TMTC4: variants seen among roughly 807,000 people sequenced by gnomAD.
TMTC4 encodes the protein protein O-mannosyl-transferase TMTC4.
TMTC4 carries 65 observed loss-of-function variants against 86.0 expected under a neutral mutation model. The ratio of observed to expected loss-of-function variants is 0.76; its 90% CI spans 0.62 to 0.93. TMTC4 has a LOEUF of 0.93. Ranked by LOEUF, TMTC4 falls within the 40% of genes least tolerant of loss-of-function variation. TMTC4 has a pLI of 0.00. For missense variants in TMTC4, 866 were observed against 948.1 expected, an observed-to-expected ratio of 0.91 and a Z score of 1.14; for synonymous variants, 379 against 382.5, an observed-to-expected ratio of 0.99 and a Z score of 0.11.
rs1284593666 is a variant in TMTC4, at chr13:100,664,353, G to A, written c.220-17C>T. The A allele has an allele frequency of 4.4e-6, 7 of 1,581,428 alleles. No homozygotes were observed. The South Asian group carries it at 7.0e-5, about 16-fold the overall frequency. On this transcript the variant is annotated splice_polypyrimidine_tract_variant and intron_variant, in intron 3 of 18. Coordinates refer to ENST00000342624, the MANE Select transcript of TMTC4 (RefSeq NM_032813.5). ...TTGGAGGTCCTGCAGGGTCACAAAG[G>A]GGATGTTCTGGACAAGGGTCTCCCA...
At position 100,662,619 on chromosome 13, in the gene TMTC4, A is replaced by G. The variant is rs2139029552; in HGVS notation, c.552+345T>C. On this transcript the variant is annotated intron_variant, in intron 5 of 18. Coordinates refer to ENST00000342624, the MANE Select transcript of TMTC4 (RefSeq NM_032813.5). ...TGAACTTTAGACCCCGAAGTCCAAC[A>G]ATATTTAACATCCGTGCCTTCACAG... 2.0e-5 allele frequency among the ~76,000 whole-genome samples: 3 copies of G among 152,284 alleles called. No individual in the cohort carries two copies. The East Asian group carries it at 5.8e-4, about 30-fold the overall frequency.
intron 5 of TMTC4, among the ~76,000 whole-genome samples, chr13:100,661,709 G>A (rs6491573): frequency 0.71 from 108,113 of 152,142 alleles, 39,397 homozygotes; most frequent in East Asian, 0.96. Context: ...ATCAGGAGGA[G>A]GGTGTGATAA....
intron 12 of TMTC4, among the ~76,000 whole-genome samples, chr13:100,631,892 C>T (rs1881415245): frequency 6.6e-6 from 1 of 151,970 alleles, no homozygotes; most frequent in Non-Finnish European, 1.5e-5. Context: ...AAGAAACTCC[C>T]AAAAATCTCA....
chr13:100,638,579 G>T (rs911559166), intron 7 of TMTC4: 2 of 152,230 alleles, frequency 1.3e-5, no homozygotes, highest in African/African-American at 2.4e-5. Context: ...TAGTTTTCTC[G>T]CTGGGTTACA....
chr13:100,643,525 T>C (rs371366217), intron 6 of TMTC4, among the ~76,000 whole-genome samples: 8 of 152,352 alleles, frequency 5.3e-5, no homozygotes, highest in East Asian at 1.9e-4. Flanking sequence ...TGCTTGCAAA[T>C]GCAAAATATA....
Position 100,642,320 on chromosome 13 carries a change from T to TAA in TMTC4, c.641-11_641-10dup, listed in dbSNP as rs753590129. 2 of 1,613,978 alleles carry TAA rather than the reference T, an allele frequency of 1.2e-6. No homozygotes were observed. The highest frequency in any genetic ancestry group is 2.7e-5 in the African/African-American group (2 of 74,914). On this transcript the variant is annotated splice_polypyrimidine_tract_variant and intron_variant, in intron 6 of 18. Coordinates refer to ENST00000342624, the MANE Select transcript of TMTC4 (RefSeq NM_032813.5). ...CGCTCCCTCCTTGTTACCTGCCAAT[T>TAA]AAGAGAAATGATCAGTGCAAAAGTC...
chr13:100,655,581 G>A (rs986591208), intron 6 of TMTC4, among the ~76,000 whole-genome samples: 2 of 152,130 alleles, frequency 1.3e-5, no homozygotes, highest in African/African-American at 4.8e-5. Flanking sequence ...GTGTCTCTTG[G>A]GAGATTTGTA....
At chr13:100,629,041 T>C (rs1226379086) in intron 12 of TMTC4, among the ~76,000 whole-genome samples, 1 of 151,872 alleles carries the variant, frequency 6.6e-6, no homozygotes, top group Non-Finnish European at 1.5e-5. Flanking sequence ...CTCAGCTACT[T>C]GGGAGGGTGA....
intron 15 of TMTC4, chr13:100,614,853 T>C (rs1297982922): frequency 1.1e-6 from 1 of 905,298 alleles, no homozygotes; most frequent in African/African-American, 1.8e-5. Flanking sequence ...ACTTCATAAG[T>C]TCATTGTTGA....
upstream of TMTC4, chr13:100,674,999 C>T (rs1175651119): frequency 5.1e-6 from 5 of 985,458 alleles, no homozygotes; most frequent in African/African-American, 5.2e-5. Flanking sequence ...AGCTCATTGG[C>T]GGACGCGCCG....
Position 100,663,010 on chromosome 13 carries a change from A to T in TMTC4, c.506T>A (p.Leu169Gln). 1 of 1,614,156 alleles carries T rather than the reference A, an allele frequency of 6.2e-7. No individual in the cohort carries two copies. Among genetic ancestry groups the T allele is most frequent in the East Asian group, 2.2e-5 (1 of 44,892 alleles). ...GACAGCAAACAGCAGCGCGGCCAGCAGGGACGCCCTGGGGGCGAGGTGCAG... is the reference window on the plus strand; with the variant it reads ...GACAGCAAACAGCAGCGCGGCCAGCTGGGACGCCCTGGGGGCGAGGTGCAG... ...RRLHLAPRASLLAALLFAVHP... is the reference protein window; with the variant it reads ...RRLHLAPRASQLAALLFAVHP... Residue 169 changes from leucine (L) to glutamine (Q), a missense_variant, in exon 5 of 19, where the codon CTG becomes CAG. Coordinates refer to ENST00000342624, the MANE Select transcript of TMTC4 (RefSeq NM_032813.5).
At chr13:100,675,070 G>A (rs868851308), upstream of TMTC4, 13 of 985,478 alleles carry the variant, frequency 1.3e-5, no homozygotes, top group South Asian at 4.2e-4. Context: ...AGACGGACCC[G>A]GCGGGAGAGG....
chr13:100,674,643 G>T, intron 1 of TMTC4, 101 bp downstream of exon 1: 1 of 982,770 alleles, frequency 1.0e-6, no homozygotes, highest in Non-Finnish European at 1.2e-6. Context: ...GCCGTGCGGG[G>T]CTCGGGACAC....
In TMTC4 at chr13:100,604,108, T is replaced by C. The variant is rs1876221794; in HGVS notation, c.*886A>G. On this transcript the variant is annotated 3_prime_UTR_variant, in exon 19 of 19. Coordinates refer to ENST00000342624, the MANE Select transcript of TMTC4 (RefSeq NM_032813.5). ...ATTCCCCGAATGTGGCTCCATTTGA[T>C]AGAAAATTTTGCATTTTCTGGATAA... The C allele has an allele frequency of 6.6e-6, 1 of 152,660 alleles. No individual in the cohort carries two copies. The highest frequency in any genetic ancestry group is 6.5e-5 in the Admixed American group (1 of 15,284). 9.5% of individuals were successfully genotyped at this position (152,660 alleles called of 1,614,324 possible).
intron 17 of TMTC4, among the ~76,000 whole-genome samples, chr13:100,611,859 T>C (rs1877634352): frequency 1.3e-5 from 2 of 152,238 alleles, no homozygotes; most frequent in Admixed American, 1.3e-4. Context: ...TGGGCCTTGC[T>C]GGTGGCCTAT....
intron 15 of TMTC4, among the ~76,000 whole-genome samples, chr13:100,618,282 G>C (rs1246084881): frequency 6.6e-6 from 1 of 152,136 alleles, no homozygotes; most frequent in East Asian, 1.9e-4. Flanking sequence ...CGTCCATGAA[G>C]AGAGATAGCT....
In TMTC4 at chr13:100,604,965, C is replaced by T; in HGVS notation, c.*29G>A. 6.2e-7 allele frequency: 1 copy of T among 1,608,768 alleles called. No individual in the cohort carries two copies. The highest frequency in any genetic ancestry group is 8.5e-7 in the Non-Finnish European group (1 of 1,177,756). ...ATGATATGCCTCATGCACACACACA[C>T]TCAAACTCAAAACATGAAGGAAACA... On this transcript the variant is annotated 3_prime_UTR_variant, in exon 19 of 19. Coordinates refer to ENST00000342624, the MANE Select transcript of TMTC4 (RefSeq NM_032813.5).
At chr13:100,623,712 G>A (rs78957338) in intron 15 of TMTC4, among the ~76,000 whole-genome samples, 1,736 of 129,534 alleles carry the variant, frequency 0.013, 14 homozygotes, top group Middle Eastern at 0.026. Context: ...TTATTGGAAA[G>A]ATGAAACTTT....
intron 1 of TMTC4, among the ~76,000 whole-genome samples, chr13:100,672,729 C>T (rs575403514): frequency 3.3e-5 from 5 of 152,264 alleles, no homozygotes; most frequent in Admixed American, 1.3e-4. Flanking sequence ...TGGCTTCAAG[C>T]GATCCTCCTG....
Sources: gnomAD v4.1 joint callset for allele counts (sites outside exome capture counted in the v4.1 genomes callset) on GRCh38, gnomAD v4.1.1 for gene constraint, MANE v1.5 for transcripts, NCBI Gene and HGNC (gene_info 2026-07-23, HGNC 2026-07-21) for gene names.